RERE: variants seen among roughly 807,000 people sequenced by gnomAD.
The protein encoded by RERE is arginine-glutamic acid dipeptide repeats protein.
A neutral mutation model predicts 146.1 loss-of-function variants in RERE; 40 were observed. That is an observed-to-expected ratio of 0.27 (90% CI 0.21 to 0.36). RERE has a LOEUF of 0.36. Ranked by LOEUF, RERE falls within the 10% of genes least tolerant of loss-of-function variation. RERE has a pLI of 1.00. For missense variants in RERE, 1,933 were observed against 2,138.7 expected, an observed-to-expected ratio of 0.90 and a Z score of 1.90; for synonymous variants, 1,003 against 866.0, an observed-to-expected ratio of 1.16 and a Z score of -2.78.
At chr1:8,779,842 CAAT>C (rs1421389685) in intron 1 of RERE, among the ~76,000 whole-genome samples, 2 of 152,092 alleles carry the variant, frequency 1.3e-5, no homozygotes, top group African/African-American at 2.4e-5. Context: ...GCATTCATTA[CAAT>C]GATGATGAAA....
At chr1:8,403,212 T>G (rs1643323682) in intron 12 of RERE, among the ~76,000 whole-genome samples, 1 of 152,014 alleles carries the variant, frequency 6.6e-6, no homozygotes, top group Middle Eastern at 3.4e-3. Flanking sequence ...TCCAGTCTCT[T>G]TAATAATTAT....
At chr1:8,512,886 C>G (rs930342596) in intron 7 of RERE, 14 of 152,560 alleles carry the variant, frequency 9.2e-5, no homozygotes, top group African/African-American at 3.4e-4. Flanking sequence ...GCACAGACCC[C>G]CATCTTCTGT....
At chr1:8,466,741 T>TAAACCTAAAGGTTTA (rs1417599961) in intron 10 of RERE, among the ~76,000 whole-genome samples, 1 of 152,238 alleles carries the variant, frequency 6.6e-6, no homozygotes, top group Non-Finnish European at 1.5e-5. Flanking sequence ...TATCTACATA[T>TAAACCTAAAGGTTTA]TCCCTTTAGG....
chr1:8,445,284 T>C (rs974941848), intron 11 of RERE, among the ~76,000 whole-genome samples: 1 of 152,234 alleles, frequency 6.6e-6, no homozygotes, highest in Non-Finnish European at 1.5e-5. Flanking sequence ...CAAGACAGGT[T>C]GCACCATGGA....
At chr1:8,752,037 A>G (rs1401176867) in intron 1 of RERE, among the ~76,000 whole-genome samples, 2 of 152,090 alleles carry the variant, frequency 1.3e-5, no homozygotes, top group African/African-American at 4.8e-5. Context: ...ATCTAGAATA[A>G]CCCATTTAAC....
At chr1:8,572,715 T>C (rs1646236624) in intron 4 of RERE, among the ~76,000 whole-genome samples, 1 of 152,206 alleles carries the variant, frequency 6.6e-6, no homozygotes, top group Non-Finnish European at 1.5e-5. Context: ...CTGGTAGAAC[T>C]TCCATTCCAA....
chr1:8,729,514 C>T (rs1239832019), intron 1 of RERE, among the ~76,000 whole-genome samples: 1 of 152,096 alleles, frequency 6.6e-6, no homozygotes, highest in Non-Finnish European at 1.5e-5. Flanking sequence ...TGAGCCACTG[C>T]ACCTGGCCTT....
chr1:8,592,844 A>G (rs138179748), intron 4 of RERE, among the ~76,000 whole-genome samples: 9 of 152,340 alleles, frequency 5.9e-5, no homozygotes, highest in African/African-American at 1.2e-4. Flanking sequence ...TCAATTCATA[A>G]ATTTAGTTCT....
chr1:8,763,613 C>T (rs758747191), intron 1 of RERE, among the ~76,000 whole-genome samples: 12 of 151,362 alleles, frequency 7.9e-5, no homozygotes, highest in Admixed American at 6.6e-4. Context: ...CCAACCTGGG[C>T]GACAGAGCTA....
At chr1:8,496,716 C>G (rs1645051184) in intron 9 of RERE, among the ~76,000 whole-genome samples, 1 of 152,164 alleles carries the variant, frequency 6.6e-6, no homozygotes, top group Admixed American at 6.5e-5. Flanking sequence ...TCACACTTCT[C>G]TCTGCATCGA....
chr1:8,655,229 C>T (rs55790906), intron 2 of RERE, among the ~76,000 whole-genome samples: 3,889 of 150,188 alleles, frequency 0.026, 151 homozygotes, highest in African/African-American at 0.089. Flanking sequence ...TTTTCTGAGA[C>T]GGAGACTCGC....
At chr1:8,561,548 GCT>G (rs1646078607) in intron 4 of RERE, among the ~76,000 whole-genome samples, 1 of 152,194 alleles carries the variant, frequency 6.6e-6, no homozygotes, top group South Asian at 2.1e-4. Flanking sequence ...TTGTTTCTAT[GCT>G]CTCTTTCCAT....
intron 1 of RERE, among the ~76,000 whole-genome samples, chr1:8,736,647 A>T (rs1048653151): frequency 6.6e-6 from 1 of 152,190 alleles, no homozygotes; most frequent in Admixed American, 6.5e-5. Flanking sequence ...CCCTTGGCTT[A>T]TATCATAGAA....
In RERE at chr1:8,356,137, G is replaced by T. The variant is rs778643340; in HGVS notation, c.4449C>A (p.Pro1483=). 5 of 1,513,170 alleles carry T rather than the reference G, an allele frequency of 3.3e-6. No individual in the cohort carries two copies. The African/African-American group carries it at 5.8e-5, about 18-fold the overall frequency. The allele number at this position is 1,513,170 out of a possible 1,614,324, so 93.7% of individuals were successfully genotyped here. ...GGCGAAGCATCTCGTGCTCGTGTGG[G>T]GGCTGTCCAAGCAGAGGGTTGGGGA... ...GTLPNPLLGQ[P]PHEHEMLRHP... Residue 1483 remains proline (P), a synonymous_variant, in exon 21 of 23, where the codon CCC becomes CCA. Coordinates refer to ENST00000400908, the MANE Select transcript of RERE (RefSeq NM_001042681.2). This position sits in a 1 kb window ranked among gnomAD's most constrained non-coding sequence, Gnocchi z 5.2.
intron 7 of RERE, among the ~76,000 whole-genome samples, chr1:8,515,914 G>A (rs909612025): frequency 6.6e-6 from 1 of 151,822 alleles, no homozygotes; most frequent in African/African-American, 2.4e-5. Context: ...TTTCACATAC[G>A]TTATCTTAAA....
chr1:8,555,102 T>G (rs1257812287), intron 6 of RERE, among the ~76,000 whole-genome samples: 1 of 152,154 alleles, frequency 6.6e-6, no homozygotes, highest in Non-Finnish European at 1.5e-5. Context: ...CCTAACTACA[T>G]CCATGCCATA....
rs1016882678 is a variant in RERE, at chr1:8,808,004, C to T, written c.-145+9156G>A. ...ATATAAATCTCCTTCAGAGGCCAGGCGTGGTGGGTCATACCTGTAGTAACA... is the reference window on the plus strand; with the variant it reads ...ATATAAATCTCCTTCAGAGGCCAGGTGTGGTGGGTCATACCTGTAGTAACA... On this transcript the variant is annotated intron_variant, in intron 1 of 22. Coordinates refer to ENST00000400908, the MANE Select transcript of RERE (RefSeq NM_001042681.2). Among the ~76,000 whole-genome samples the T allele has an allele frequency of 2.6e-5, 4 of 152,094 alleles. No homozygotes were observed. In the East Asian group the frequency reaches 5.8e-4, roughly 22 times the overall value.
intron 1 of RERE, among the ~76,000 whole-genome samples, chr1:8,696,490 T>C (rs1298955897): frequency 6.6e-6 from 1 of 152,214 alleles, no homozygotes; most frequent in African/African-American, 2.4e-5. Context: ...GGCACACATC[T>C]GTAGTCCCAG....
rs1439408239 is a variant in RERE, at chr1:8,521,655, A to C, written c.831-12980T>G. ...TTTACAAAAACTGTAAGAAATATTT[A>C]TTTCCAGATTACCCATGAGAAAAAT... On this transcript the variant is annotated intron_variant, in intron 7 of 22. Transcript: ENST00000400908. 4.6e-5 allele frequency among the ~76,000 whole-genome samples: 7 copies of C among 152,286 alleles called. No individual in the cohort carries two copies. In the South Asian group the frequency reaches 1.2e-3, roughly 27 times the overall value.
Sources: gnomAD v4.1 joint callset for allele counts (sites outside exome capture counted in the v4.1 genomes callset) on GRCh38, gnomAD v4.1.1 for gene constraint, Gnocchi (gnomAD v3.1) non-coding constraint, MANE v1.5 for transcripts, NCBI Gene and HGNC (gene_info 2026-07-23, HGNC 2026-07-21) for gene names.